CHST9: variants seen among roughly 807,000 people sequenced by gnomAD.
The protein encoded by CHST9 is GalNAc-4-sulfotransferase 2.
CHST9 carries 41 observed loss-of-function variants against 44.4 expected under a neutral mutation model. The observed-to-expected ratio is 0.92, with a 90% CI of 0.72 to 1.20. CHST9 has a LOEUF of 1.20. Among genes scored for constraint, CHST9 ranks in the 50% most tolerant of loss-of-function variants. The pLI, the probability that CHST9 is intolerant of heterozygous loss-of-function variation, is 0.00. For synonymous variants in CHST9, 171 were observed against 178.4 expected, an observed-to-expected ratio of 0.96 and a Z score of 0.33; for missense variants, 504 against 516.5, an observed-to-expected ratio of 0.98 and a Z score of 0.23.
At chr18:27,160,242 G>C (rs2058734738) in intron 1 of CHST9, among the ~76,000 whole-genome samples, 1 of 152,100 alleles carries the variant, frequency 6.6e-6, no homozygotes, top group Non-Finnish European at 1.5e-5. Context: ...TATTGGCTGT[G>C]GGTTTATCAT....
At chr18:27,057,065 T>C (rs2057664757) in intron 2 of CHST9, among the ~76,000 whole-genome samples, 1 of 152,218 alleles carries the variant, frequency 6.6e-6, no homozygotes, top group Non-Finnish European at 1.5e-5. Context: ...GCCAATAGTC[T>C]AATGTGGTCT....
At chr18:26,999,209 C>T (rs968708859) in intron 4 of CHST9, among the ~76,000 whole-genome samples, 3 of 152,198 alleles carry the variant, frequency 2.0e-5, no homozygotes, top group Non-Finnish European at 4.4e-5. Context: ...TTTGCTTACA[C>T]TTCAGATATG....
chr18:27,134,481 A>G (rs182071723), intron 2 of CHST9, among the ~76,000 whole-genome samples: 1,530 of 152,330 alleles, frequency 0.01, 17 homozygotes, highest in South Asian at 0.014. Flanking sequence ...AAACAAAACA[A>G]AACAAAAACT....
chr18:26,939,991 C>T (rs1288834559), intron 5 of CHST9, among the ~76,000 whole-genome samples: 3 of 152,202 alleles, frequency 2.0e-5, no homozygotes, highest in Non-Finnish European at 4.4e-5. Flanking sequence ...GGAACACAGT[C>T]TGCCTATATA....
intron 2 of CHST9, among the ~76,000 whole-genome samples, chr18:27,097,003 A>C (rs1242538322): frequency 5.3e-5 from 8 of 152,082 alleles, no homozygotes; most frequent in Non-Finnish European, 1.2e-4. Flanking sequence ...ACATCCCTGA[A>C]GAACACAGAT....
intron 3 of CHST9, among the ~76,000 whole-genome samples, chr18:27,045,578 C>A (rs2057490264): frequency 6.6e-6 from 1 of 151,968 alleles, no homozygotes; most frequent in African/African-American, 2.4e-5. Flanking sequence ...ATCCACTTAT[C>A]ATTATATCAC....
chr18:27,001,213 T>C (rs1000143372), intron 4 of CHST9, among the ~76,000 whole-genome samples: 1 of 152,218 alleles, frequency 6.6e-6, no homozygotes, highest in Non-Finnish European at 1.5e-5. Context: ...AAGTAGATTA[T>C]GCACTGATCT....
In CHST9 at chr18:27,171,558, T is replaced by C. The variant is rs1001674132; in HGVS notation, c.-97+13578A>G. Among the ~76,000 whole-genome samples, 3 of 152,194 alleles carry C rather than the reference T, an allele frequency of 2.0e-5. 1 individual carries two copies. Among genetic ancestry groups the C allele is most frequent in the Non-Finnish European group, 4.4e-5 (3 of 68,024 alleles). On this transcript the variant is annotated intron_variant, in intron 1 of 5. Coordinates refer to ENST00000618847, the MANE Select transcript of CHST9 (RefSeq NM_031422.6). ...TCATTTTTATTTTCTTAGTATACAG[T>C]AAAACTGACTTGGTGGGGAGCATAC...
At chr18:27,016,330 G>C (rs985452030) in intron 4 of CHST9, among the ~76,000 whole-genome samples, 17 of 152,234 alleles carry the variant, frequency 1.1e-4, no homozygotes, top group African/African-American at 4.1e-4. Flanking sequence ...AGAACACGTG[G>C]CTTTTACCTG....
chr18:27,180,864 T>G (rs1370907433), intron 1 of CHST9, among the ~76,000 whole-genome samples: 22 of 152,202 alleles, frequency 1.4e-4, no homozygotes, highest in Admixed American at 1.3e-3. Flanking sequence ...TATATAAAAT[T>G]TATCCTGTGG....
At chr18:26,961,713 C>A (rs1376167412) in intron 4 of CHST9, among the ~76,000 whole-genome samples, 1 of 152,204 alleles carries the variant, frequency 6.6e-6, no homozygotes, top group African/African-American at 2.4e-5. Flanking sequence ...CAGGTGAAAG[C>A]CACTGGGCCT....
intron 4 of CHST9, among the ~76,000 whole-genome samples, chr18:27,020,856 C>A (rs2057217662): frequency 6.6e-6 from 1 of 152,074 alleles, no homozygotes; most frequent in African/African-American, 2.4e-5. Flanking sequence ...CCCCAAGGCT[C>A]ATTAAACATT....
chr18:27,159,874 G>C (rs563019566), intron 1 of CHST9, among the ~76,000 whole-genome samples: 1 of 152,292 alleles, frequency 6.6e-6, no homozygotes, highest in South Asian at 2.1e-4. Context: ...TGAAGCAATT[G>C]TGAATGTGAG....
At chr18:26,917,476 A>T in intron 5 of CHST9, 126 bp from the exon 6 acceptor site, 1 of 1,113,518 alleles carries the variant, frequency 9.0e-7, no homozygotes, top group South Asian at 1.6e-5. Flanking sequence ...AGCTGCCAGA[A>T]CAATTTAGCA....
At chr18:26,975,373 C>A (rs748568783) in intron 4 of CHST9, among the ~76,000 whole-genome samples, 1 of 151,902 alleles carries the variant, frequency 6.6e-6, no homozygotes, top group Non-Finnish European at 1.5e-5. Context: ...GTATACATCA[C>A]CCAAATAATG....
intron 2 of CHST9, among the ~76,000 whole-genome samples, chr18:27,129,044 C>A (rs868361024): frequency 6.6e-6 from 1 of 152,102 alleles, no homozygotes; most frequent in South Asian, 2.1e-4. Context: ...AAAACCCAGG[C>A]AGAATCATGC....
intron 5 of CHST9, among the ~76,000 whole-genome samples, 157 bp downstream of exon 5, chr18:26,944,172 A>G (rs953965300): frequency 2.6e-5 from 4 of 152,236 alleles, no homozygotes; most frequent in Admixed American, 2.0e-4. Context: ...ATGGTCATCT[A>G]CATATGACCA....
intron 4 of CHST9, among the ~76,000 whole-genome samples, chr18:26,983,285 CA>C (rs1429574751): frequency 6.6e-6 from 1 of 152,174 alleles, no homozygotes; most frequent in Non-Finnish European, 1.5e-5. Flanking sequence ...ATGTCCCCAC[CA>C]AATCTCATGT....
intron 4 of CHST9, among the ~76,000 whole-genome samples, chr18:26,947,166 C>T (rs1017417603): frequency 6.6e-6 from 1 of 152,078 alleles, no homozygotes; most frequent in African/African-American, 2.4e-5. Flanking sequence ...GAATGTTTTT[C>T]CATTTGTTTG....
Sources: allele counts gnomAD v4.1 joint callset (sites outside exome capture counted in the v4.1 genomes callset), GRCh38; gene constraint gnomAD v4.1.1; transcripts MANE v1.5; gene names NCBI Gene and HGNC (gene_info 2026-07-23, HGNC 2026-07-21).